Variants in PGM5 observed in about 807,000 individuals in gnomAD.
PGM5 encodes phosphoglucomutase 5.
Under a neutral mutation model 59.2 loss-of-function variants are expected in PGM5, and 23 were observed. The ratio of observed to expected loss-of-function variants is 0.39; its 90% confidence interval spans 0.28 to 0.55. The LOEUF (loss-of-function observed/expected upper bound fraction) is 0.55. Among genes scored for constraint, PGM5 ranks in the 20% least tolerant of loss-of-function variants. The probability of loss-of-function intolerance (pLI) is 0.66; values close to 1 mark genes in which losing one functional copy is unlikely to be tolerated. For synonymous variants in PGM5, 214 were observed against 286.0 expected (o/e 0.75, Z 2.54); for missense variants, 574 against 748.3 (o/e 0.77, Z 2.72).
At chr9:68,387,233 T>G (rs1456675247) in intron 3 of PGM5, among the ~76,000 whole-genome samples, 1 of 152,080 alleles carries the variant, frequency 6.6e-6, no homozygotes, top group African/African-American at 2.4e-5. Context: ...AATTTATAAC[T>G]TGGTATCATT....
intron 9 of PGM5, among the ~76,000 whole-genome samples, chr9:68,485,027 G>A (rs781813928): frequency 2.6e-5 from 4 of 152,166 alleles, no homozygotes; most frequent in Admixed American, 6.5e-5. Flanking sequence ...GGAAGGCTCG[G>A]AAACCATTCC....
intron 6 of PGM5, among the ~76,000 whole-genome samples, chr9:68,456,313 T>A (rs1333992988): frequency 6.9e-6 from 1 of 144,144 alleles, no homozygotes; most frequent in South Asian, 2.3e-4. Context: ...TTTTTGGGGG[T>A]GGGGGGGTGG....
At chr9:68,474,327 G>A (rs915759407) in intron 7 of PGM5, among the ~76,000 whole-genome samples, 1 of 152,190 alleles carries the variant, frequency 6.6e-6, no homozygotes, top group Admixed American at 6.5e-5. Flanking sequence ...AGTTTCAGCT[G>A]TAATGGCTTG....
rs943562701 is a variant in PGM5, at chr9:68,491,506, T to C, written c.1479+7458T>C. Among the ~76,000 whole-genome samples, 3 of 152,222 alleles carry C rather than the reference T, an allele frequency of 2.0e-5. No homozygotes were observed. The South Asian group carries it at 6.2e-4, about 31-fold the overall frequency. On this transcript the variant is annotated intron_variant, in intron 9 of 10. Transcript: ENST00000396396. ...CTGTGATTAGGATTCTCAACTTCAGTGCTCACTCTACAACACTGTAGTTGG... is the reference window on the plus strand; with the variant it reads ...CTGTGATTAGGATTCTCAACTTCAGCGCTCACTCTACAACACTGTAGTTGG...
At chr9:68,442,229 A>G (rs1173918860) in intron 6 of PGM5, among the ~76,000 whole-genome samples, 5 of 152,244 alleles carry the variant, frequency 3.3e-5, no homozygotes, top group African/African-American at 1.2e-4. Flanking sequence ...AGGCAAAGGA[A>G]CTAGAAGAGG....
chr9:68,421,149 C>A (rs1253142139), intron 6 of PGM5, among the ~76,000 whole-genome samples: 2 of 152,188 alleles, frequency 1.3e-5, no homozygotes, highest in Non-Finnish European at 2.9e-5. Context: ...GAGGTGTGTA[C>A]TGATCATTTT....
At position 68,477,198 on chromosome 9, in the gene PGM5, C is replaced by A. The variant is rs1227785559; in HGVS notation, c.1160-2220C>A. 3.3e-5 allele frequency among the ~76,000 whole-genome samples: 5 copies of A among 152,150 alleles called. No homozygotes were observed. In the East Asian group the frequency reaches 7.7e-4, roughly 23 times the overall value. Reference sequence around the variant, plus strand: ...CAGGGTCCTGTTAACCCAGAGGCAACCACAACTGGACATCCAACAGTGCCA... The same window carrying A: ...CAGGGTCCTGTTAACCCAGAGGCAAACACAACTGGACATCCAACAGTGCCA... On this transcript the variant is annotated intron_variant, in intron 7 of 10. Coordinates refer to ENST00000396396, the MANE Select transcript of PGM5 (RefSeq NM_021965.4).
chr9:68,388,621 T>C (rs1822288029), intron 4 of PGM5, among the ~76,000 whole-genome samples: 1 of 151,506 alleles, frequency 6.6e-6, no homozygotes, highest in African/African-American at 2.4e-5. Flanking sequence ...GGTAGGTAAA[T>C]ATTTTGTGTA....
chr9:68,356,896 A>G lies in PGM5; in HGVS notation c.-232A>G, dbSNP rs1834453982. On this transcript the variant is annotated 5_prime_UTR_variant, in exon 1 of 11. Coordinates refer to ENST00000396396, the MANE Select transcript of PGM5 (RefSeq NM_021965.4). ...GAGAAGGTGGGTGGGAGAAAACTTT[A>G]CAGGAAGGCAGAAGCAATCTCTGCC... is the stretch of plus-strand genomic sequence containing the variant. 1 of 425,162 alleles carries G rather than the reference A, an allele frequency of 2.4e-6. No homozygotes were observed. The highest frequency in any genetic ancestry group is 2.1e-5 in the African/African-American group (1 of 47,968). 26.3% of individuals were successfully genotyped at this position (425,162 alleles called of 1,614,324 possible).
At chr9:68,448,594 A>C (rs1438590758) in intron 6 of PGM5, among the ~76,000 whole-genome samples, 1 of 152,192 alleles carries the variant, frequency 6.6e-6, no homozygotes, top group Non-Finnish European at 1.5e-5. Context: ...TGATTTTCAA[A>C]GCAGCTGGGG....
intron 1 of PGM5, among the ~76,000 whole-genome samples, chr9:68,363,393 A>G (rs1331637634): frequency 2.9e-3 from 447 of 152,406 alleles, no homozygotes; most frequent in African/African-American, 0.01. Context: ...GCAAATAACC[A>G]TAAGTGGTTA....
chr9:68,360,317 CA>C (rs1328012966), intron 1 of PGM5, among the ~76,000 whole-genome samples: 2 of 150,758 alleles, frequency 1.3e-5, no homozygotes, highest in Non-Finnish European at 3.0e-5. Context: ...AATATAATAT[CA>C]AAAACATAAA....
intron 6 of PGM5, among the ~76,000 whole-genome samples, chr9:68,433,690 A>G (rs1554683193): frequency 1.3e-5 from 2 of 152,232 alleles, no homozygotes; most frequent in Non-Finnish European, 2.9e-5. Flanking sequence ...TGGCCGATGA[A>G]CAGATTTGGT....
chr9:68,447,457 G>C (rs1823631343), intron 6 of PGM5, among the ~76,000 whole-genome samples: 2 of 152,094 alleles, frequency 1.3e-5, no homozygotes, highest in Admixed American at 6.5e-5. Flanking sequence ...GAACCACAGG[G>C]CTTTTTTGTA....
At chr9:68,423,280 G>T (rs1823173618) in intron 6 of PGM5, among the ~76,000 whole-genome samples, 1 of 152,180 alleles carries the variant, frequency 6.6e-6, no homozygotes. Context: ...TCTACTTTTA[G>T]TTCTTTAAGG....
chr9:68,527,910 G>A (rs1234888801), intron 10 of PGM5, among the ~76,000 whole-genome samples: 1 of 152,156 alleles, frequency 6.6e-6, no homozygotes, highest in Non-Finnish European at 1.5e-5. Flanking sequence ...CCTCACTCTA[G>A]CATTTAGGTC....
intron 6 of PGM5, among the ~76,000 whole-genome samples, chr9:68,422,445 G>GT (rs1396492939): frequency 6.6e-6 from 1 of 150,700 alleles, no homozygotes; most frequent in Non-Finnish European, 1.5e-5. Context: ...GTTTTGTTTT[G>GT]TTTTTTGTTT....
At chr9:68,414,111 C>T (rs567146381) in intron 6 of PGM5, among the ~76,000 whole-genome samples, 1 of 152,306 alleles carries the variant, frequency 6.6e-6, no homozygotes, top group East Asian at 1.9e-4. Context: ...CCTCTCTCTC[C>T]ATGTGATCTC....
At chr9:68,460,947 C>T (rs574791088) in intron 6 of PGM5, among the ~76,000 whole-genome samples, 2 of 152,252 alleles carry the variant, frequency 1.3e-5, no homozygotes, top group South Asian at 4.2e-4. Context: ...AAGACCCATA[C>T]CACGGAAGCT....
Sources: allele counts gnomAD v4.1 joint callset (sites outside exome capture counted in the v4.1 genomes callset), GRCh38; gene constraint gnomAD v4.1.1; transcripts MANE v1.5; gene names NCBI Gene and HGNC (gene_info 2026-07-23, HGNC 2026-07-21).